Variants in NELL1 observed in about 807,000 individuals in gnomAD.
NELL1 encodes the protein neural EGFL like 1.
In NELL1, 76 loss-of-function variants were observed where a neutral mutation model predicts 107.4. That is an observed-to-expected ratio of 0.71 (90% confidence interval 0.59 to 0.86). The LOEUF (loss-of-function observed/expected upper bound fraction) is 0.86, where lower values mean the gene tolerates loss of function less well. NELL1 is among the 40% of genes least tolerant of loss of function. NELL1 has a pLI of 0.00. For missense variants in NELL1, 1,024 were observed against 1,005.5 expected (o/e 1.02, Z -0.25); for synonymous variants, 353 against 341.2 (o/e 1.03, Z -0.38).
At chr11:20,786,034 AATTT>A (rs1856947340) in intron 3 of NELL1, among the ~76,000 whole-genome samples, 1 of 104,214 alleles carries the variant, frequency 9.6e-6, no homozygotes, top group African/African-American at 3.2e-5. Context: ...AAAACTTCAG[AATTT>A]TTTTTTTTTT....
intron 13 of NELL1, among the ~76,000 whole-genome samples, chr11:21,215,428 T>C (rs1209271773): frequency 6.6e-6 from 1 of 151,984 alleles, no homozygotes; most frequent in East Asian, 1.9e-4. Context: ...GAGAGTGAGG[T>C]GCTGGTATAA....
chr11:21,562,952 A>G (rs1269383870), intron 17 of NELL1, among the ~76,000 whole-genome samples: 1 of 152,092 alleles, frequency 6.6e-6, no homozygotes, highest in Non-Finnish European at 1.5e-5. Context: ...ATAGAGTTCA[A>G]TGATGAAGCT....
chr11:21,120,957 A>G (rs1417214996), intron 13 of NELL1, among the ~76,000 whole-genome samples: 1 of 152,054 alleles, frequency 6.6e-6, no homozygotes, highest in East Asian at 1.9e-4. Flanking sequence ...ATGCTACTGT[A>G]CCAAAAGCAG....
chr11:21,072,881 G>A (rs1854048998), intron 12 of NELL1, among the ~76,000 whole-genome samples: 1 of 152,262 alleles, frequency 6.6e-6, no homozygotes, highest in South Asian at 2.1e-4. Flanking sequence ...ATTTTAGTCA[G>A]CAATACAGCT....
intron 12 of NELL1, among the ~76,000 whole-genome samples, chr11:21,051,543 A>C (rs1853493312): frequency 1.3e-5 from 2 of 152,108 alleles, no homozygotes; most frequent in Admixed American, 1.3e-4. Context: ...AAGTAATAAA[A>C]CCTGAGAAAA....
intron 15 of NELL1, among the ~76,000 whole-genome samples, chr11:21,479,828 A>G (rs938491853): frequency 2.0e-5 from 3 of 152,154 alleles, no homozygotes; most frequent in Admixed American, 2.0e-4. Flanking sequence ...CTATGTACCC[A>G]CAAAAATTAA....
rs190351253 is a variant in NELL1, at chr11:21,534,459, C to T, written c.1731C>T (p.Cys577=). ...TGCCAGGGTGGTACCACTGTGAGTG[C>T]AGAAGCGGTTTCCATGACGATGGGA... ...VNLPGWYHCE[C]RSGFHDDGTY... is the part of the protein sequence containing the mutation. The change falls in exon 16 of 20, where the codon TGC becomes TGT. Residue 577 remains cysteine (C), a synonymous_variant. Coordinates refer to ENST00000357134, the MANE Select transcript of NELL1 (RefSeq NM_006157.5). 5.3e-5 allele frequency: 86 copies of T among 1,613,878 alleles called. No homozygotes were observed. In the East Asian group the frequency reaches 1.9e-3, roughly 36 times the overall value.
At chr11:21,290,944 C>T (rs1014815579) in intron 14 of NELL1, among the ~76,000 whole-genome samples, 1 of 152,150 alleles carries the variant, frequency 6.6e-6, no homozygotes, top group Non-Finnish European at 1.5e-5. Flanking sequence ...TCCCCCAAAG[C>T]ATCACAGCTC....
chr11:20,895,831 C>T (rs1041561205), intron 5 of NELL1, among the ~76,000 whole-genome samples: 2 of 152,030 alleles, frequency 1.3e-5, no homozygotes, highest in African/African-American at 4.8e-5. Flanking sequence ...TTATGCCTGG[C>T]TTATTTCACT....
chr11:21,048,106 C>A (rs903615657), intron 12 of NELL1, among the ~76,000 whole-genome samples: 4 of 150,900 alleles, frequency 2.7e-5, no homozygotes, highest in African/African-American at 7.4e-5. Flanking sequence ...AGAGTAGACC[C>A]AGTTATGACT....
chr11:20,904,274 C>T (rs1287955519), intron 5 of NELL1, among the ~76,000 whole-genome samples: 1 of 150,568 alleles, frequency 6.6e-6, no homozygotes, highest in Non-Finnish European at 1.5e-5. Flanking sequence ...AAAATAGCTA[C>T]AAGAGAAGAT....
At chr11:20,762,702 G>A (rs1299109384) in intron 2 of NELL1, among the ~76,000 whole-genome samples, 1 of 152,178 alleles carries the variant, frequency 6.6e-6, no homozygotes, top group Non-Finnish European at 1.5e-5. Context: ...CACATAAATA[G>A]AAACGTTGAC....
At chr11:21,198,328 G>A (rs1857197325) in intron 13 of NELL1, among the ~76,000 whole-genome samples, 1 of 152,180 alleles carries the variant, frequency 6.6e-6, no homozygotes, top group Admixed American at 6.5e-5. Flanking sequence ...CATTCTGTCG[G>A]TTACAAACAC....
At chr11:20,724,357 G>A (rs770575116) in intron 2 of NELL1, among the ~76,000 whole-genome samples, 60 of 152,160 alleles carry the variant, frequency 3.9e-4, no homozygotes, top group Non-Finnish European at 7.4e-4. Flanking sequence ...TTAAGCCTAA[G>A]TTCCAATTTC....
intron 15 of NELL1, among the ~76,000 whole-genome samples, chr11:21,436,251 C>A (rs541132853): frequency 6.6e-6 from 1 of 152,202 alleles, no homozygotes; most frequent in Non-Finnish European, 1.5e-5. Flanking sequence ...GATGGGGTTT[C>A]ACCATGTTGG....
At chr11:20,705,800 A>AGT (rs1564871238) in intron 2 of NELL1, among the ~76,000 whole-genome samples, 9 of 151,594 alleles carry the variant, frequency 5.9e-5, no homozygotes, top group Non-Finnish European at 1.2e-4. Flanking sequence ...ATCTACAATG[A>AGT]ACGCCAACAA....
chr11:21,392,260 A>C (rs1247558587), intron 15 of NELL1, among the ~76,000 whole-genome samples: 3 of 151,744 alleles, frequency 2.0e-5, no homozygotes, highest in Non-Finnish European at 4.4e-5. Flanking sequence ...ACTGCTTTTT[A>C]ATCTAGCTTC....
intron 12 of NELL1, among the ~76,000 whole-genome samples, chr11:20,980,230 T>A (rs1287946237): frequency 6.6e-6 from 1 of 152,224 alleles, no homozygotes; most frequent in African/African-American, 2.4e-5. Context: ...TGAATCCCTC[T>A]TACACAGCAG....
At chr11:21,399,332 T>C (rs1453481033) in intron 15 of NELL1, among the ~76,000 whole-genome samples, 1 of 151,662 alleles carries the variant, frequency 6.6e-6, no homozygotes, top group African/African-American at 2.4e-5. Flanking sequence ...TCGCTTCAGT[T>C]GCTATTTAGG....
Sources: allele counts gnomAD v4.1 joint callset (sites outside exome capture counted in the v4.1 genomes callset), GRCh38; gene constraint gnomAD v4.1.1; transcripts MANE v1.5; gene names NCBI Gene and HGNC (gene_info 2026-07-23, HGNC 2026-07-21).